The following NRXN1 variants were observed in gnomAD, a reference collection of about 807,000 sequenced individuals.
NRXN1 encodes neurexin-1.
Under a neutral mutation model 150.9 loss-of-function variants are expected in NRXN1, and 39 were observed. The observed-to-expected ratio is 0.26, with a 90% CI of 0.20 to 0.34. The LOEUF (loss-of-function observed/expected upper bound fraction) is 0.34, where lower values mean the gene tolerates loss of function less well. NRXN1 is among the 10% of genes least tolerant of loss of function. The pLI, the probability that NRXN1 is intolerant of heterozygous loss-of-function variation, is 1.00. For synonymous variants in NRXN1, 924 were observed against 757.0 expected (o/e 1.22, Z -3.62); for missense variants, 1,815 against 1,949.9 (o/e 0.93, Z 1.30).
intron 5 of NRXN1, among the ~76,000 whole-genome samples, chr2:50,636,827 T>A (rs1683300853): frequency 6.6e-6 from 1 of 152,210 alleles, no homozygotes; most frequent in South Asian, 2.1e-4. Flanking sequence ...TGTTACAGAT[T>A]GTGTTTGATT....
intron 5 of NRXN1, among the ~76,000 whole-genome samples, chr2:50,809,008 GTC>G (rs1303052680): frequency 6.6e-6 from 1 of 152,050 alleles, no homozygotes; most frequent in Non-Finnish European, 1.5e-5. Flanking sequence ...AATTCATAAT[GTC>G]TCTGGCCTGG....
intron 17 of NRXN1, among the ~76,000 whole-genome samples, chr2:50,266,525 A>G (rs2152918815): frequency 6.9e-6 from 1 of 144,388 alleles, no homozygotes; most frequent in South Asian, 2.2e-4. Flanking sequence ...ATATTTATAT[A>G]TGTATATAAA....
intron 17 of NRXN1, among the ~76,000 whole-genome samples, chr2:50,414,050 G>A (rs575711380): frequency 5.6e-5 from 6 of 107,488 alleles, no homozygotes; most frequent in African/African-American, 7.2e-5. Flanking sequence ...GTGGGGTGGG[G>A]GGTGGGAAGA....
At chr2:49,926,584 T>A (rs1003459371) in intron 22 of NRXN1, among the ~76,000 whole-genome samples, 3 of 152,186 alleles carry the variant, frequency 2.0e-5, no homozygotes, top group African/African-American at 7.2e-5. Flanking sequence ...GAACAGTTAC[T>A]ACTAAAGGCA....
At chr2:50,878,167 T>G (rs1390286460) in intron 5 of NRXN1, among the ~76,000 whole-genome samples, 1 of 151,938 alleles carries the variant, frequency 6.6e-6, no homozygotes, top group Non-Finnish European at 1.5e-5. Context: ...ATTATAAAGT[T>G]ACTGAAAATA....
chr2:50,895,157 G>A (rs372798018), intron 5 of NRXN1, among the ~76,000 whole-genome samples: 1 of 152,242 alleles, frequency 6.6e-6, no homozygotes, highest in East Asian at 1.9e-4. Context: ...AGAACCTTCA[G>A]TACATCTCAA....
At chr2:50,399,370 T>G (rs2082248144) in intron 17 of NRXN1, among the ~76,000 whole-genome samples, 1 of 152,148 alleles carries the variant, frequency 6.6e-6, no homozygotes, top group African/African-American at 2.4e-5. Flanking sequence ...TTTCCAGCAC[T>G]GTTAGAGGGT....
chr2:50,991,070 T>C (rs1214495847), intron 2 of NRXN1, among the ~76,000 whole-genome samples: 1 of 152,082 alleles, frequency 6.6e-6, no homozygotes. Context: ...TGCTAGGAAC[T>C]AGGAATACAG....
intron 5 of NRXN1, among the ~76,000 whole-genome samples, chr2:50,893,969 A>G (rs1681500747): frequency 6.6e-6 from 1 of 151,960 alleles, no homozygotes; most frequent in African/African-American, 2.4e-5. Flanking sequence ...TCCATGGTGT[A>G]TATGTGCCAC....
At chr2:50,619,987 G>A (rs769242916) in intron 8 of NRXN1, 35 bp downstream of exon 8, 1 of 1,520,306 alleles carries the variant, frequency 6.6e-7, no homozygotes, top group South Asian at 1.4e-5. Flanking sequence ...ATGAGACCAT[G>A]AATTAGGAAT....
intron 9 of NRXN1, among the ~76,000 whole-genome samples, chr2:50,545,116 T>C (rs927882164): frequency 1.3e-5 from 2 of 152,098 alleles, no homozygotes; most frequent in Admixed American, 6.6e-5. Context: ...GAGAACAGAG[T>C]AAATTGATGA....
At chr2:50,119,511 A>G (rs1447806549) in intron 18 of NRXN1, among the ~76,000 whole-genome samples, 3 of 151,970 alleles carry the variant, frequency 2.0e-5, no homozygotes, top group Non-Finnish European at 4.4e-5. Context: ...GATTAGGGAG[A>G]TGCAAAACCT....
chr2:50,029,740 C>G (rs1019423021), intron 21 of NRXN1, among the ~76,000 whole-genome samples: 6 of 152,098 alleles, frequency 3.9e-5, no homozygotes, highest in African/African-American at 7.2e-5. Flanking sequence ...CCCAAGCAGA[C>G]TAAGTCAGCA....
At chr2:50,227,391 C>G (rs2064497326) in intron 18 of NRXN1, among the ~76,000 whole-genome samples, 1 of 152,038 alleles carries the variant, frequency 6.6e-6, no homozygotes, top group Non-Finnish European at 1.5e-5. Context: ...ATGCCCATCT[C>G]TGACCAGCCT....
At chr2:50,132,671 G>A (rs1458629093) in intron 18 of NRXN1, among the ~76,000 whole-genome samples, 1 of 151,852 alleles carries the variant, frequency 6.6e-6, no homozygotes, top group African/African-American at 2.4e-5. Flanking sequence ...AAGACTTCTT[G>A]GCCATGTATT....
intron 22 of NRXN1, among the ~76,000 whole-genome samples, chr2:49,929,063 T>A (rs560483154): frequency 2.6e-5 from 4 of 152,290 alleles, no homozygotes; most frequent in Non-Finnish European, 4.4e-5. Flanking sequence ...AAAGCATGCA[T>A]TTGAAGGGCA....
chr2:50,563,557 G>A (rs890782218), intron 8 of NRXN1, among the ~76,000 whole-genome samples: 2 of 152,142 alleles, frequency 1.3e-5, no homozygotes, highest in Non-Finnish European at 2.9e-5. Flanking sequence ...AGAAGAAAGT[G>A]GAGTGACCTC....
At chr2:50,907,855 A>G (rs1232919294) in intron 5 of NRXN1, among the ~76,000 whole-genome samples, 2 of 152,132 alleles carry the variant, frequency 1.3e-5, no homozygotes, top group Admixed American at 6.6e-5. Context: ...CCTACAGAAG[A>G]GTGAGATAAT....
intron 5 of NRXN1, among the ~76,000 whole-genome samples, chr2:50,807,304 T>C (rs565824317): frequency 2.6e-5 from 4 of 152,284 alleles, no homozygotes; most frequent in South Asian, 4.1e-4. Context: ...AGCTTTGGTA[T>C]GGCTAAGGTA....
Sources: allele counts gnomAD v4.1 joint callset (sites outside exome capture counted in the v4.1 genomes callset), GRCh38; gene constraint gnomAD v4.1.1; transcripts MANE v1.5; gene names NCBI Gene and HGNC (gene_info 2026-07-23, HGNC 2026-07-21).